Variants in ME2 observed in about 807,000 individuals in gnomAD.
ME2 encodes the protein NAD-dependent malic enzyme, mitochondrial.
Under a neutral mutation model 73.7 loss-of-function variants are expected in ME2, and 60 were observed. The ratio of observed to expected loss-of-function variants is 0.81; its 90% CI spans 0.66 to 1.01. ME2 has a LOEUF of 1.01. Among genes scored for constraint, ME2 ranks in the 50% least tolerant of loss-of-function variants. The pLI is 0.00. For missense variants in ME2, 594 were observed against 705.5 expected, an observed-to-expected ratio of 0.84 and a Z score of 1.79; for synonymous variants, 199 against 236.9, an observed-to-expected ratio of 0.84 and a Z score of 1.47.
rs1311844873 is a variant in ME2, at chr18:50,940,272, C to T, written c.1489-16C>T. 3.2e-6 allele frequency: 5 copies of T among 1,570,788 alleles called. No homozygotes were observed. The African/African-American group carries it at 4.1e-5, about 13-fold the overall frequency. ...TATTTAAACAAACAAAAGCAAAATG[C>T]TGTTTTTCTCTTCAGGCCCTGACAA... On this transcript the variant is annotated splice_polypyrimidine_tract_variant and intron_variant, in intron 14 of 15. Coordinates refer to ENST00000321341, the MANE Select transcript of ME2 (RefSeq NM_002396.5).
intron 4 of ME2, among the ~76,000 whole-genome samples, chr18:50,913,675 A>T (rs1306641423): frequency 6.6e-6 from 1 of 151,934 alleles, no homozygotes; most frequent in Non-Finnish European, 1.5e-5. Flanking sequence ...AAATAGTTGT[A>T]GCACCTACAA....
At chr18:50,920,604 T>G (rs937521096) in intron 8 of ME2, 39 bp downstream of exon 8, 31 of 1,571,230 alleles carry the variant, frequency 2.0e-5, no homozygotes, top group Non-Finnish European at 2.5e-5. Context: ...TTCCTACTTT[T>G]TAAACATTTT....
chr18:50,920,357 A>G, intron 7 of ME2, 99 bp from the exon 8 acceptor site: 2 of 831,538 alleles, frequency 2.4e-6, no homozygotes, highest in Non-Finnish European at 1.9e-6. Flanking sequence ...GAACTAACAT[A>G]ATACATTATT....
rs948696677 is a variant in ME2, at chr18:50,896,736, G to A, written c.108+808G>A. The stretch of plus-strand genomic sequence containing the variant: ...CAGTCATAAAAAACTTGCCAGTCCC[G>A]TTTGTTTCCCACTATCAGGGAAAAT... On this transcript the variant is annotated intron_variant, in intron 2 of 15. Transcript: ENST00000321341. Among the ~76,000 whole-genome samples the A allele has an allele frequency of 4.6e-5, 7 of 152,088 alleles. No individual in the cohort carries two copies. The East Asian group carries it at 9.6e-4, about 21-fold the overall frequency.
chr18:50,918,245 A>C (rs1917332818), intron 7 of ME2, 32 bp downstream of exon 7: 13 of 1,449,696 alleles, frequency 9.0e-6, no homozygotes, highest in Non-Finnish European at 1.3e-5. Context: ...ATATGAAAGC[A>C]CCTTTAATGG....
chr18:50,905,133 C>T (rs1270177422), intron 2 of ME2, among the ~76,000 whole-genome samples: 1 of 152,080 alleles, frequency 6.6e-6, no homozygotes, highest in African/African-American at 2.4e-5. Context: ...ACTACAGGCA[C>T]ATGCCACCAC....
intron 13 of ME2, among the ~76,000 whole-genome samples, chr18:50,936,108 A>C (rs1917814702): frequency 6.6e-6 from 1 of 152,196 alleles, no homozygotes; most frequent in African/African-American, 2.4e-5. Context: ...CACAAAGAGA[A>C]GAATATGAAA....
rs1196541119 is a variant in ME2 at position 50,941,500 on chromosome 18, A to C, written c.1587+1114A>C. 2.0e-5 allele frequency among the ~76,000 whole-genome samples: 3 copies of C among 149,664 alleles called. No individual in the cohort carries two copies. The South Asian group carries it at 6.3e-4, about 32-fold the overall frequency. ...ACAACTCTCCTGCCTCAGCCTCCCA[A>C]GTAGCTGGGATTACAGATGCCCACC... is the stretch of plus-strand genomic sequence containing the variant. On this transcript the variant is annotated intron_variant, in intron 15 of 15. Coordinates refer to ENST00000321341, the MANE Select transcript of ME2 (RefSeq NM_002396.5).
At chr18:50,931,816 AG>A (rs1205218964) in intron 12 of ME2, among the ~76,000 whole-genome samples, 1 of 152,038 alleles carries the variant, frequency 6.6e-6, no homozygotes, top group East Asian at 1.9e-4. Context: ...CTGAGATTAC[AG>A]GCATGGGCCA....
chr18:50,908,748 C>G (rs1438604089), intron 3 of ME2, among the ~76,000 whole-genome samples: 1 of 151,966 alleles, frequency 6.6e-6, no homozygotes, highest in African/African-American at 2.4e-5. Flanking sequence ...TCAAGCAGTT[C>G]TCCTGCTTCA....
intron 1 of ME2, among the ~76,000 whole-genome samples, chr18:50,884,514 A>G (rs547166526): frequency 1.8e-4 from 28 of 152,138 alleles, no homozygotes; most frequent in African/African-American, 6.7e-4. Context: ...TGCCCGGCTA[A>G]TTTTTGTACT....
intron 2 of ME2, among the ~76,000 whole-genome samples, chr18:50,897,099 A>G (rs1344214493): frequency 6.6e-6 from 1 of 152,158 alleles, no homozygotes; most frequent in Admixed American, 6.5e-5. Flanking sequence ...TCCTGTGGCA[A>G]GTAATCAATA....
At chr18:50,943,176 A>G (rs962258429) in intron 15 of ME2, among the ~76,000 whole-genome samples, 2 of 152,068 alleles carry the variant, frequency 1.3e-5, no homozygotes, top group Non-Finnish European at 2.9e-5. Context: ...GTAGTCTTCT[A>G]TTTCTAGATT....
chr18:50,885,573 GT>G (rs958361694), intron 1 of ME2, among the ~76,000 whole-genome samples: 8 of 151,280 alleles, frequency 5.3e-5, no homozygotes, highest in Non-Finnish European at 1.0e-4. Flanking sequence ...AATTTAAATG[GT>G]TTTTTTTCAT....
chr18:50,947,135 T>C lies in ME2; in HGVS notation c.1706T>C (p.Val569Ala). ...RSEYDSLLPD[V>A]YEWPESASSP... The stretch of plus-strand genomic sequence containing the variant: ...GAATATGATTCCCTGCTGCCAGATG[T>C]GTATGAATGGCCAGAATCTGCATCA... Residue 569 changes from valine (V) to alanine (A), a missense_variant, in exon 16 of 16, where the codon GTG becomes GCG. Val to Ala is a moderately conservative substitution (Grantham distance 64). Coordinates refer to ENST00000321341, the MANE Select transcript of ME2 (RefSeq NM_002396.5). 6.2e-7 allele frequency: 1 copy of C among 1,613,894 alleles called. No individual in the cohort carries two copies. The highest frequency in any genetic ancestry group is 8.5e-7 in the Non-Finnish European group (1 of 1,180,012).
intron 2 of ME2, among the ~76,000 whole-genome samples, chr18:50,898,254 C>G (rs377305657): frequency 3.3e-5 from 5 of 152,092 alleles, no homozygotes; most frequent in Admixed American, 6.6e-5. Context: ...TATACCTGCT[C>G]TTTGTTTATA....
chr18:50,912,989 G>A (rs1917194344), intron 4 of ME2, 39 bp downstream of exon 4: 1 of 1,518,364 alleles, frequency 6.6e-7, no homozygotes, highest in Non-Finnish European at 8.9e-7. Flanking sequence ...AATGATTATT[G>A]AATAAGGAAA....
At chr18:50,938,923 C>T (rs1310343218) in intron 13 of ME2, among the ~76,000 whole-genome samples, 1 of 151,976 alleles carries the variant, frequency 6.6e-6, no homozygotes, top group African/African-American at 2.4e-5. Flanking sequence ...CAATTATTAA[C>T]TTCAGGAAAG....
At chr18:50,889,616 CTAA>C (rs1916559700) in intron 1 of ME2, among the ~76,000 whole-genome samples, 1 of 152,104 alleles carries the variant, frequency 6.6e-6, no homozygotes, top group African/African-American at 2.4e-5. Flanking sequence ...TTAAGCGTTC[CTAA>C]TAATGATACA....
Sources: allele counts gnomAD v4.1 joint callset (sites outside exome capture counted in the v4.1 genomes callset), GRCh38; gene constraint gnomAD v4.1.1; transcripts MANE v1.5; gene names NCBI Gene and HGNC (gene_info 2026-07-23, HGNC 2026-07-21).